UBE4B: variants seen among roughly 807,000 people sequenced by gnomAD.
The protein encoded by UBE4B is ubiquitin conjugation factor E4 B.
A neutral mutation model predicts 148.1 loss-of-function variants in UBE4B; 27 were observed. That is an observed-to-expected ratio of 0.18 (90% CI 0.13 to 0.25). The LOEUF (loss-of-function observed/expected upper bound fraction) is 0.25, where lower values mean the gene tolerates loss of function less well. UBE4B is among the 10% of genes least tolerant of loss of function. The pLI is 1.00. For synonymous variants in UBE4B, 596 were observed against 619.3 expected (o/e 0.96, Z 0.56); for missense variants, 1,170 against 1,662.4 (o/e 0.70, Z 5.15).
At chr1:10,112,481 C>T (rs1201074122) in intron 7 of UBE4B, among the ~76,000 whole-genome samples, 1 of 152,170 alleles carries the variant, frequency 6.6e-6, no homozygotes, top group East Asian at 1.9e-4. Flanking sequence ...CTCACTGTAA[C>T]CTCCATCTCC....
chr1:10,070,703 C>T (rs1644469768), intron 1 of UBE4B, among the ~76,000 whole-genome samples: 1 of 152,100 alleles, frequency 6.6e-6, no homozygotes, highest in South Asian at 2.1e-4. Flanking sequence ...GTTCAACAAA[C>T]ACATTTTGAA....
At chr1:10,130,033 A>C (rs1242926117) in intron 12 of UBE4B, among the ~76,000 whole-genome samples, 1 of 152,036 alleles carries the variant, frequency 6.6e-6, no homozygotes, top group Non-Finnish European at 1.5e-5. Context: ...TGGTGGTATA[A>C]GAAGAGTTCA....
rs1347765504 is a variant in UBE4B at position 10,161,240 on chromosome 1, T to C, written c.3152T>C (p.Val1051Ala). 11 of 1,614,020 alleles carry C rather than the reference T, an allele frequency of 6.8e-6. No homozygotes were observed. Among genetic ancestry groups the C allele is most frequent in the Non-Finnish European group, 9.3e-6 (11 of 1,180,024 alleles). ...GAGTCTCTGAAGCGAATCCATGAAGTGCAGGAAGAGATGAAGAACAAAGAA... is the reference window on the plus strand; with the variant it reads ...GAGTCTCTGAAGCGAATCCATGAAGCGCAGGAAGAGATGAAGAACAAAGAA... ...SLESLKRIHEVQEEMKNKEQW... is the reference protein window; with the variant it reads ...SLESLKRIHEAQEEMKNKEQW... The change falls in exon 23 of 28, where the codon GTG (valine) becomes GCG (alanine). Residue 1051 changes from valine to alanine, a missense_variant. Val to Ala is a moderately conservative substitution (Grantham distance 64, BLOSUM62 0). Around this residue, in one of 6 missense-constraint regions of UBE4B, gnomAD observed 348 missense variants for 627.2 expected, o/e 0.55. Transcript: ENST00000343090. The surrounding 1 kb of genome is among the most constrained non-coding windows in gnomAD (Gnocchi z 4.1).
intron 1 of UBE4B, among the ~76,000 whole-genome samples, chr1:10,038,656 A>G (rs761196574): frequency 6.6e-6 from 1 of 152,104 alleles, no homozygotes; most frequent in Non-Finnish European, 1.5e-5. Context: ...TCAACATCCT[A>G]CGTAACACTG....
At chr1:10,093,690 ACTTTTTTTTTT>A (rs1446048699) in intron 2 of UBE4B, among the ~76,000 whole-genome samples, 1 of 150,754 alleles carries the variant, frequency 6.6e-6, no homozygotes, top group African/African-American at 2.4e-5. Context: ...CTTTTTTCAT[ACTTTTTTTTTT>A]CTTTTTTTTT....
At chr1:10,121,287 G>A (rs1229498130) in intron 9 of UBE4B, among the ~76,000 whole-genome samples, 13 of 152,008 alleles carry the variant, frequency 8.6e-5, no homozygotes, top group East Asian at 1.9e-4. Flanking sequence ...CCCGGGAGGC[G>A]GAGGTTGCAG....
At chr1:10,119,978 A>T (rs1306145294) in intron 9 of UBE4B, among the ~76,000 whole-genome samples, 1 of 146,898 alleles carries the variant, frequency 6.8e-6, no homozygotes. Flanking sequence ...ATCACCTTCC[A>T]TGTATAACAC....
intron 10 of UBE4B, among the ~76,000 whole-genome samples, chr1:10,125,460 G>A (rs1345648429): frequency 3.3e-5 from 5 of 152,192 alleles, no homozygotes; most frequent in Non-Finnish European, 7.3e-5. Flanking sequence ...GAGCTGTATT[G>A]ATATCTCACA....
intron 3 of UBE4B, among the ~76,000 whole-genome samples, chr1:10,095,839 A>G (rs1644920932): frequency 6.6e-6 from 1 of 152,198 alleles, no homozygotes; most frequent in African/African-American, 2.4e-5. Flanking sequence ...TGGTGCGATC[A>G]TGGCTCACTG....
At chr1:10,140,325 T>C (rs1442428085) in intron 17 of UBE4B, among the ~76,000 whole-genome samples, 1 of 152,216 alleles carries the variant, frequency 6.6e-6, no homozygotes, top group Non-Finnish European at 1.5e-5. Context: ...TAAGAAAATA[T>C]ATTTTATGTG....
chr1:10,035,805 C>T (rs1026275444), intron 1 of UBE4B, among the ~76,000 whole-genome samples: 8 of 150,472 alleles, frequency 5.3e-5, no homozygotes, highest in Admixed American at 1.3e-4. Flanking sequence ...TGCAGTGGCG[C>T]GATCTCAGCT....
chr1:10,167,424 C>T (rs1646269008), intron 23 of UBE4B, among the ~76,000 whole-genome samples: 2 of 144,288 alleles, frequency 1.4e-5, no homozygotes, highest in Admixed American at 6.8e-5. Flanking sequence ...GGGCAACAAG[C>T]GAAACTCCGT....
chr1:10,146,322 C>T (rs1447557833), intron 18 of UBE4B, among the ~76,000 whole-genome samples: 1 of 152,118 alleles, frequency 6.6e-6, no homozygotes, highest in Admixed American at 6.6e-5. Flanking sequence ...TGTGGTGGCA[C>T]ACGACTGAAA....
chr1:10,064,856 C>T (rs978784704), intron 1 of UBE4B, among the ~76,000 whole-genome samples: 7 of 151,842 alleles, frequency 4.6e-5, no homozygotes, highest in Non-Finnish European at 8.8e-5. Flanking sequence ...CTCCACCTCC[C>T]GGGTTCAAGC....
In UBE4B at chr1:10,033,473, G is replaced by A. The variant is rs1643378856; in HGVS notation, c.-198G>A. On this transcript the variant is annotated 5_prime_UTR_variant, in exon 1 of 28. Transcript: ENST00000343090. ...AAGCGGCTGTAGTAGTCTGTGGGGC[G>A]ACTGGAGTGACCGAAGCCAAGGCAG... is the stretch of plus-strand genomic sequence containing the variant. 1 of 457,494 alleles carries A rather than the reference G, an allele frequency of 2.2e-6. No homozygotes were observed. Among genetic ancestry groups the A allele is most frequent in the Non-Finnish European group, 3.7e-6 (1 of 268,950 alleles). The allele number at this position is 457,494 out of a possible 1,614,324, so 28.3% of individuals were successfully genotyped here.
rs1557622724 is a variant in UBE4B, at chr1:10,178,757, G to T, written c.3639G>T (p.Glu1213Asp). 6.2e-7 allele frequency: 1 copy of T among 1,613,980 alleles called. No individual in the cohort carries two copies. Reference protein sequence around the residue: ...KFKLLAEKVEEIVAKNARAEI... With the variant: ...KFKLLAEKVEDIVAKNARAEI... ...AGCTGCTCGCCGAGAAAGTGGAGGA[G>T]ATAGTGGCCAAGAACGCACGCGCAG... is the stretch of plus-strand genomic sequence containing the variant. Residue 1213 changes from glutamate (E) to aspartate (D), a missense_variant, in exon 26 of 28, where the codon GAG (glutamate) becomes GAT (aspartate). Physicochemically the swap from Glu to Asp is conservative, Grantham distance 45. This residue lies in a region of UBE4B where 348 missense variants were observed against 627.2 expected (regional missense o/e 0.55). Transcript: ENST00000343090.
At chr1:10,130,449 A>T (rs1570945922) in intron 12 of UBE4B, 51 bp from the exon 13 acceptor site, 1 of 1,437,100 alleles carries the variant, frequency 7.0e-7, no homozygotes, top group Non-Finnish European at 9.7e-7. Context: ...TTACATTTTT[A>T]CCCCACCGGC....
At chr1:10,070,586 A>G (rs897176177) in intron 1 of UBE4B, among the ~76,000 whole-genome samples, 16 of 152,230 alleles carry the variant, frequency 1.1e-4, no homozygotes, top group African/African-American at 3.8e-4. Flanking sequence ...CAAATTTTAT[A>G]GAAATGGAAT....
At chr1:10,048,754 G>C (rs369172773) in intron 1 of UBE4B, among the ~76,000 whole-genome samples, 1 of 152,216 alleles carries the variant, frequency 6.6e-6, no homozygotes, top group Non-Finnish European at 1.5e-5. Context: ...GCTGACTGGA[G>C]CAAGTTCAAG....
Sources: allele counts gnomAD v4.1 joint callset (sites outside exome capture counted in the v4.1 genomes callset), GRCh38; gene constraint gnomAD v4.1.1; regional missense constraint gnomAD v4.1.1; non-coding constraint Gnocchi (gnomAD v3.1); transcripts MANE v1.5; gene names NCBI Gene and HGNC (gene_info 2026-07-23, HGNC 2026-07-21).